Variants in MUC5B observed in about 807,000 individuals in gnomAD.
MUC5B encodes mucin 5B, oligomeric mucus/gel-forming, also known as mucin-5B.
A neutral mutation model predicts 376.9 loss-of-function variants in MUC5B; 116 were observed. That is an observed-to-expected ratio of 0.31 (90% CI 0.26 to 0.36). The LOEUF (loss-of-function observed/expected upper bound fraction) is 0.36, where lower values mean the gene tolerates loss of function less well. Ranked by LOEUF, MUC5B falls within the 10% of genes least tolerant of loss-of-function variation. MUC5B has a pLI of 1.00. For synonymous variants in MUC5B, 3,517 were observed against 3,390.9 expected (o/e 1.04, Z -1.29); for missense variants, 7,165 against 7,769.9 (o/e 0.92, Z 2.93).
Position 1,242,125 on chromosome 11 carries a change from C to T in MUC5B, c.5245C>T (p.Leu1749Phe). 1 of 1,613,502 alleles carries T rather than the reference C, an allele frequency of 6.2e-7. No individual in the cohort carries two copies. The highest frequency in any genetic ancestry group is 1.6e-4 in the Middle Eastern group (1 of 6,062). The change falls in exon 31 of 49, where the codon CTC (leucine) becomes TTC (phenylalanine). Residue 1749 changes from leucine (L) to phenylalanine (F), a missense_variant. By Grantham distance (22) the Leu-to-Phe change is conservative. Around this residue, in one of 31 missense-constraint regions of MUC5B, gnomAD observed 897 missense variants for 779.6 expected, o/e 1.15. Coordinates refer to ENST00000529681, the MANE Select transcript of MUC5B (RefSeq NM_002458.3). ...EPLTTSLAPT[L>F]TSELSTSQAE... is the part of the protein sequence containing the mutation. ...GCTGACCACGAGCCTGGCGCCAACA[C>T]TCACGAGCGAGCTGTCCACCTCTCA...
At chr11:1,235,521 C>A in intron 23 of MUC5B, 108 bp downstream of exon 23, 1 of 953,510 alleles carries the variant, frequency 1.0e-6, no homozygotes. Flanking sequence ...CAGCAGTGTC[C>A]TGGCCCCGGG....
At position 1,234,316 on chromosome 11, in the gene MUC5B, T is replaced by C; in HGVS notation, c.2478+11T>C. The C allele has an allele frequency of 4.2e-6, 6 of 1,435,104 alleles. No homozygotes were observed. The highest frequency in any genetic ancestry group is 5.8e-6 in the Non-Finnish European group (6 of 1,030,374). 88.9% of individuals were successfully genotyped at this position (1,435,104 alleles called of 1,614,324 possible). ...CTGGACGTGGGCTGTGTGAGTTCCATGCTTCAGGGAGGGGTGGGCAGGGAA... is the reference window on the plus strand; with the variant it reads ...CTGGACGTGGGCTGTGTGAGTTCCACGCTTCAGGGAGGGGTGGGCAGGGAA... On this transcript the variant is annotated intron_variant, in intron 20 of 48. Coordinates refer to ENST00000529681, the MANE Select transcript of MUC5B (RefSeq NM_002458.3). The surrounding 1 kb of genome is among the most constrained non-coding windows in gnomAD (Gnocchi z 6.3).
rs1410275257 is a variant in MUC5B at position 1,232,632 on chromosome 11, C to G, written c.1939-12C>G. 1.2e-6 allele frequency: 2 copies of G among 1,600,692 alleles called. 1 individual carries two copies. The highest frequency in any genetic ancestry group is 1.7e-6 in the Non-Finnish European group (2 of 1,174,584). ...GGGGTCCCTGACGCCCCGATGCCTC[C>G]CACCTCCGCAGAACTGCATGTTTGA... On this transcript the variant is annotated splice_polypyrimidine_tract_variant and intron_variant, in intron 16 of 48. Coordinates refer to ENST00000529681, the MANE Select transcript of MUC5B (RefSeq NM_002458.3).
rs770725338 is a variant in MUC5B at position 1,247,394 on chromosome 11, C to T, written c.10514C>T (p.Ser3505Leu). The part of the protein sequence containing the change: ...PAATTSTTQH[S>L]TPALSSPHPS... ...GCAACCACCAGTACCACCCAGCACT[C>T]GACTCCAGCCCTGTCCAGCCCTCAC... is the stretch of plus-strand genomic sequence containing the variant. The change falls in exon 31 of 49, where the codon TCG (serine) becomes TTG (leucine). Residue 3505 changes from serine to leucine, a missense_variant. Transcript: ENST00000529681. 32 of 1,609,922 alleles carry T rather than the reference C, an allele frequency of 2.0e-5. No individual in the cohort carries two copies. The highest frequency in any genetic ancestry group is 3.3e-5 in the South Asian group (3 of 90,848).
intron 1 of MUC5B, among the ~76,000 whole-genome samples, chr11:1,223,583 G>A (rs1423072140): frequency 1.3e-5 from 2 of 152,150 alleles, no homozygotes; most frequent in South Asian, 2.1e-4. Flanking sequence ...CAGGCTTAGC[G>A]TGGACCCCTG....
In MUC5B at chr11:1,242,202, C is replaced by T; in HGVS notation, c.5322C>T (p.Asn1774=). Reference sequence around the variant, plus strand: ...AGACGACAATGAGCCCCTTGACTAACACCACCACCAGCCAGGGCACGACCC... The same window carrying T: ...AGACGACAATGAGCCCCTTGACTAATACCACCACCAGCCAGGGCACGACCC... ...RTETTMSPLT[N]TTTSQGTTRC... is the part of the protein sequence containing the mutation. Residue 1774 remains asparagine (N), a synonymous_variant, in exon 31 of 49, where the codon AAC becomes AAT. Transcript: ENST00000529681. 1.2e-6 allele frequency: 2 copies of T among 1,613,660 alleles called. No individual in the cohort carries two copies. The highest frequency in any genetic ancestry group is 1.7e-6 in the Non-Finnish European group (2 of 1,179,890).
At chr11:1,254,383 G>A (rs1349800841) in intron 34 of MUC5B, 32 bp downstream of exon 34, 1 of 1,593,394 alleles carries the variant, frequency 6.3e-7, no homozygotes, top group African/African-American at 1.3e-5. Context: ...CACAGTGTTG[G>A]CCCAGTCCCA....
chr11:1,244,407 A>G lies in MUC5B; in HGVS notation c.7527A>G (p.Lys2509=), dbSNP rs762857210. The G allele has an allele frequency of 6.3e-7, 1 of 1,598,636 alleles. No homozygotes were observed. Among genetic ancestry groups the G allele is most frequent in the African/African-American group, 1.4e-5 (1 of 73,614 alleles). ...CGACACCCACAGTCACCAGCTCCAA[A>G]GCCACTCCCTTCTCCAGTCCAGGGA... The part of the protein sequence containing the change: ...TATTPTVTSS[K]ATPFSSPGTA... Residue 2509 remains lysine (K), a synonymous_variant, in exon 31 of 49, where the codon AAA becomes AAG. Transcript: ENST00000529681.
At position 1,247,304 on chromosome 11, in the gene MUC5B, C is replaced by T. The variant is rs1488981930; in HGVS notation, c.10424C>T (p.Thr3475Ile). 1 of 1,611,546 alleles carries T rather than the reference C, an allele frequency of 6.2e-7. No homozygotes were observed. The highest frequency in any genetic ancestry group is 8.5e-7 in the Non-Finnish European group (1 of 1,179,556). ...HTVRTAWTSATSGILGTTHIT... is the reference protein window; with the variant it reads ...HTVRTAWTSAISGILGTTHIT... ...GTGCGCACAGCCTGGACTTCGGCCA[C>T]CTCGGGCATCTTGGGCACCACCCAC... The change falls in exon 31 of 49, where the codon ACC becomes ATC. Residue 3475 changes from threonine (T) to isoleucine (I), a missense_variant. Around this residue, in one of 31 missense-constraint regions of MUC5B, gnomAD observed 939 missense variants for 770.6 expected, o/e 1.22. Transcript: ENST00000529681.
At chr11:1,239,148 T>C in intron 26 of MUC5B, 121 bp downstream of exon 26, 1 of 1,212,302 alleles carries the variant, frequency 8.2e-7, no homozygotes, top group Non-Finnish European at 1.2e-6. Flanking sequence ...CCAACACGCA[T>C]GTGCCTCCAT....
chr11:1,255,629 C>A, intron 37 of MUC5B, 71 bp downstream of exon 37: 1 of 495,808 alleles, frequency 2.0e-6, no homozygotes, highest in Non-Finnish European at 3.5e-6. Context: ...TGAGTGGGGG[C>A]GGCCCCGGGC....
At position 1,238,987 on chromosome 11, in the gene MUC5B, CG is replaced by C; in HGVS notation, c.3415del (p.Ala1139ArgfsTer38). On this transcript the variant is annotated frameshift_variant, in exon 26 of 49. Transcript: ENST00000529681. LOFTEE classifies it high-confidence loss of function. ...VAAYAQACHDAGLCVSWRTPD... is the reference protein window; with the variant it reads ...VAAYAQACHDXGLCVSWRTPD... Reference sequence around the variant, plus strand: ...CTGCCTACGCCCAGGCCTGCCACGACGCGGGCCTGTGTGTGTCCTGGCGGAC... The same window carrying C: ...CTGCCTACGCCCAGGCCTGCCACGACCGGGCCTGTGTGTGTCCTGGCGGAC... 1 of 1,571,234 alleles carries C rather than the reference CG, an allele frequency of 6.4e-7. No homozygotes were observed. Among genetic ancestry groups the C allele is most frequent in the African/African-American group, 1.3e-5 (1 of 74,108 alleles).
At position 1,240,098 on chromosome 11, in the gene MUC5B, G is replaced by A; in HGVS notation, c.3772+10G>A. On this transcript the variant is annotated intron_variant, in intron 29 of 48. Coordinates refer to ENST00000529681, the MANE Select transcript of MUC5B (RefSeq NM_002458.3). ...GCTCACAGCCTTGAGGGTAAGGAAG[G>A]GCCGGGGGGTTAGTGGGCCGGTGAA... is the stretch of plus-strand genomic sequence containing the variant. 1 of 1,562,636 alleles carries A rather than the reference G, an allele frequency of 6.4e-7. No homozygotes were observed. Among genetic ancestry groups the A allele is most frequent in the South Asian group, 1.2e-5 (1 of 82,802 alleles).
chr11:1,226,221 G>T lies in MUC5B; in HGVS notation c.144G>T (p.Ser48=), dbSNP rs765839253. 6.4e-7 allele frequency: 1 copy of T among 1,553,806 alleles called. No homozygotes were observed. ...HTMDGGAPTS[S]PTRRVSFVPP... is the part of the protein sequence containing the mutation. ...CACCCACAGGTGCCCCGACGTCCTC[G>T]CCCACCCGGCGCGTGAGCTTTGTTC... Residue 48 remains serine, a synonymous_variant, in exon 3 of 49, where the codon TCG becomes TCT. Transcript: ENST00000529681.
chr11:1,261,574 G>A lies in MUC5B; in HGVS notation c.17255G>A (p.Arg5752His), dbSNP rs769092680. ...GCGCCCATGGCTCCCCCACACACCC[G>A]TGGCTTCCCGGCCCAGGAGGCCACT... is the stretch of plus-strand genomic sequence containing the variant. The part of the protein sequence containing the change: ...VPAPMAPPHT[R>H]GFPAQEATAV Residue 5752 changes from arginine to histidine, a missense_variant, in exon 49 of 49, where the codon CGT becomes CAT. Arg to His is a conservative substitution (Grantham distance 29). Around this residue, in one of 31 missense-constraint regions of MUC5B, gnomAD observed 842 missense variants for 1,016.9 expected, o/e 0.83. Coordinates refer to ENST00000529681, the MANE Select transcript of MUC5B (RefSeq NM_002458.3). 37 of 1,607,618 alleles carry A rather than the reference G, an allele frequency of 2.3e-5. No homozygotes were observed. Among genetic ancestry groups the A allele is most frequent in the East Asian group, 4.5e-5 (2 of 44,650 alleles).
intron 1 of MUC5B, among the ~76,000 whole-genome samples, chr11:1,223,809 C>T (rs1241410759): frequency 6.6e-6 from 1 of 152,244 alleles, no homozygotes; most frequent in South Asian, 2.1e-4. Context: ...TGGCCAGAGC[C>T]GCAGCATTAA....
chr11:1,261,701 C>T lies in MUC5B; in HGVS notation c.*93C>T. ...AACCTTGGGCCTCCTCTGCGGAGCC[C>T]CCCGGCCTGTGTGTGGCACCCCGCG... On this transcript the variant is annotated 3_prime_UTR_variant, in exon 49 of 49. Coordinates refer to ENST00000529681, the MANE Select transcript of MUC5B (RefSeq NM_002458.3). The T allele has an allele frequency of 2.3e-6, 3 of 1,302,580 alleles. No individual in the cohort carries two copies. Among genetic ancestry groups the T allele is most frequent in the Non-Finnish European group, 3.2e-6 (3 of 931,770 alleles). 80.7% of individuals were successfully genotyped at this position (1,302,580 alleles called of 1,614,324 possible). A position where few individuals can be genotyped will look rare whatever the true frequency, so the allele number is the denominator to read the frequency against.
In MUC5B at chr11:1,252,431, C is replaced by A. The variant is rs573529742; in HGVS notation, c.14952C>A (p.Gly4984=). 1 of 1,611,114 alleles carries A rather than the reference C, an allele frequency of 6.2e-7. No individual in the cohort carries two copies. The highest frequency in any genetic ancestry group is 8.5e-7 in the Non-Finnish European group (1 of 1,179,024). Reference sequence around the variant, plus strand: ...ACTGTGACATTGACCGCTTCCAGGGCGCCTGTCCCACCTCCCCACCGCCAG... The same window carrying A: ...ACTGTGACATTGACCGCTTCCAGGGAGCCTGTCCCACCTCCCCACCGCCAG... The part of the protein sequence containing the change: ...NQHCDIDRFQ[G]ACPTSPPPVS... Residue 4984 remains glycine (G), a synonymous_variant, in exon 32 of 49, where the codon GGC becomes GGA. Transcript: ENST00000529681.
In MUC5B at chr11:1,242,009, G is replaced by T. The variant is rs201595551; in HGVS notation, c.5129G>T (p.Arg1710Leu). ...ACGACGGGGAGCTTGGGCACATGGCGCCCCTCACAGCCACCCACGCTGGCC... is the reference window on the plus strand; with the variant it reads ...ACGACGGGGAGCTTGGGCACATGGCTCCCCTCACAGCCACCCACGCTGGCC... ...PGTTGSLGTW[R>L]PSQPPTLAPT... The change falls in exon 31 of 49, where the codon CGC becomes CTC. Residue 1710 changes from arginine to leucine, a missense_variant. This residue lies in a region of MUC5B where 897 missense variants were observed against 779.6 expected (regional missense o/e 1.15). Coordinates refer to ENST00000529681, the MANE Select transcript of MUC5B (RefSeq NM_002458.3). 1.3e-6 allele frequency: 2 copies of T among 1,585,780 alleles called. No individual in the cohort carries two copies. Among genetic ancestry groups the T allele is most frequent in the Non-Finnish European group, 8.6e-7 (1 of 1,166,952 alleles).
Sources: allele counts gnomAD v4.1 joint callset (sites outside exome capture counted in the v4.1 genomes callset), GRCh38; gene constraint gnomAD v4.1.1; regional missense constraint gnomAD v4.1.1; non-coding constraint Gnocchi (gnomAD v3.1); transcripts MANE v1.5; gene names NCBI Gene and HGNC (gene_info 2026-07-23, HGNC 2026-07-21).